Variants in SLC30A8 observed in about 807,000 individuals in gnomAD.
SLC30A8 encodes solute carrier family 30 member 8, also known as proton-coupled zinc antiporter SLC30A8.
SLC30A8 carries 27 observed loss-of-function variants against 36.9 expected under a neutral mutation model. That is an observed-to-expected ratio of 0.73 (90% confidence interval 0.54 to 1.01). SLC30A8 has a LOEUF of 1.01. SLC30A8 is among the 50% of genes least tolerant of loss of function. The pLI, the probability that SLC30A8 is intolerant of heterozygous loss-of-function variation, is 0.00. For missense variants in SLC30A8, 439 were observed against 452.0 expected, an observed-to-expected ratio of 0.97 and a Z score of 0.26; for synonymous variants, 164 against 172.4, an observed-to-expected ratio of 0.95 and a Z score of 0.38.
intron 1 of SLC30A8, among the ~76,000 whole-genome samples, chr8:116,976,836 T>TTCTTTTC (rs1815045813): frequency 1.4e-5 from 2 of 141,580 alleles, no homozygotes; most frequent in Admixed American, 7.2e-5. Context: ...TTTTTTTTTT[T>TTCTTTTC]TTACAGAGTC....
chr8:117,036,271 C>A (rs1161773841), intron 1 of SLC30A8, among the ~76,000 whole-genome samples: 2 of 152,172 alleles, frequency 1.3e-5, no homozygotes, highest in Non-Finnish European at 2.9e-5. Context: ...GCATTTTGGT[C>A]AAAACCATTC....
intron 2 of SLC30A8, among the ~76,000 whole-genome samples, chr8:117,069,960 A>G (rs970301510): frequency 2.0e-5 from 3 of 152,234 alleles, no homozygotes; most frequent in Non-Finnish European, 2.9e-5. Context: ...TTTTCCTCTC[A>G]TAAACACACA....
At chr8:116,990,704 TAATAGC>T (rs1815609033) in intron 1 of SLC30A8, among the ~76,000 whole-genome samples, 1 of 152,204 alleles carries the variant, frequency 6.6e-6, no homozygotes, top group South Asian at 2.1e-4. Context: ...GAAATTGAGT[TAATAGC>T]AATGCACCAG....
intron 1 of SLC30A8, among the ~76,000 whole-genome samples, chr8:117,006,558 G>T (rs1390181686): frequency 1.3e-5 from 2 of 152,196 alleles, no homozygotes; most frequent in East Asian, 3.9e-4. Context: ...CAAGAAGCTG[G>T]GAAAGCGAGT....
At chr8:117,124,121 G>T (rs1026143088) in intron 2 of SLC30A8, among the ~76,000 whole-genome samples, 2 of 151,964 alleles carry the variant, frequency 1.3e-5, no homozygotes, top group Non-Finnish European at 2.9e-5. Context: ...TCCAAAAGTA[G>T]TGCCTTTTCA....
intron 2 of SLC30A8, among the ~76,000 whole-genome samples, chr8:117,095,434 A>T (rs1342683179): frequency 6.6e-6 from 1 of 151,816 alleles, no homozygotes; most frequent in African/African-American, 2.4e-5. Context: ...AACACTAGGA[A>T]CTAAAACTTG....
intron 1 of SLC30A8, among the ~76,000 whole-genome samples, chr8:116,979,540 C>T (rs1815184526): frequency 6.6e-6 from 1 of 152,136 alleles, no homozygotes; most frequent in African/African-American, 2.4e-5. Flanking sequence ...TGGTCTCAGA[C>T]CCATTTCTGA....
chr8:117,023,666 A>C (rs1403807955), intron 1 of SLC30A8, among the ~76,000 whole-genome samples: 1 of 149,038 alleles, frequency 6.7e-6, no homozygotes, highest in Non-Finnish European at 1.5e-5. Context: ...GTGGGAATTG[A>C]ACAATGAGAA....
intron 2 of SLC30A8, among the ~76,000 whole-genome samples, chr8:117,048,172 T>A (rs1817609108): frequency 6.6e-6 from 1 of 152,168 alleles, no homozygotes; most frequent in African/African-American, 2.4e-5. Flanking sequence ...CCAAGAACCC[T>A]CTCTTGGGGT....
At chr8:117,054,270 A>T (rs904533668) in intron 2 of SLC30A8, among the ~76,000 whole-genome samples, 22 of 151,958 alleles carry the variant, frequency 1.4e-4, no homozygotes, top group Admixed American at 2.0e-4. Flanking sequence ...GGCTATTTTT[A>T]AATTTTTTTT....
intron 2 of SLC30A8, among the ~76,000 whole-genome samples, chr8:117,118,564 C>A (rs942506682): frequency 2.6e-5 from 4 of 151,780 alleles, no homozygotes; most frequent in African/African-American, 9.7e-5. Flanking sequence ...ACGGAGCATT[C>A]TTAATGCATT....
At chr8:117,124,487 C>A (rs895551956) in intron 2 of SLC30A8, among the ~76,000 whole-genome samples, 3 of 151,786 alleles carry the variant, frequency 2.0e-5, no homozygotes, top group Admixed American at 6.6e-5. Context: ...GTTGCCACAG[C>A]AGGCAAAATC....
intron 2 of SLC30A8, among the ~76,000 whole-genome samples, chr8:117,120,538 G>T (rs545004607): frequency 6.6e-6 from 1 of 151,908 alleles, no homozygotes; most frequent in East Asian, 1.9e-4. Flanking sequence ...TTACAGTATT[G>T]GTCTTGGCAA....
intron 2 of SLC30A8, among the ~76,000 whole-genome samples, chr8:117,066,451 C>T (rs554779723): frequency 8.0e-4 from 122 of 152,262 alleles, no homozygotes; most frequent in Middle Eastern, 3.4e-3. Flanking sequence ...GTTATAGACA[C>T]CTGTTGTTTA....
chr8:117,110,473 A>T (rs1007731182), intron 2 of SLC30A8, among the ~76,000 whole-genome samples: 1 of 152,180 alleles, frequency 6.6e-6, no homozygotes, highest in Non-Finnish European at 1.5e-5. Context: ...GAAGGGCAAG[A>T]TGTCCTCTCA....
chr8:116,966,317 C>T (rs1321096010), intron 1 of SLC30A8, among the ~76,000 whole-genome samples: 1 of 152,110 alleles, frequency 6.6e-6, no homozygotes, highest in Non-Finnish European at 1.5e-5. Context: ...TTCTGGTTTG[C>T]TCAAGTTCAA....
At position 117,050,135 on chromosome 8, in the gene SLC30A8, A is replaced by G. The variant is rs1817665558; in HGVS notation, c.-226+10877A>G. On this transcript the variant is annotated intron_variant, in intron 2 of 10. Transcript: ENST00000427715. ...ATTACACTCTCTGCCACATCTCTGC[A>G]AAGCAGGGAGACAGGAGGCATGATG... Among the ~76,000 whole-genome samples the G allele has an allele frequency of 3.9e-5, 6 of 152,270 alleles. 1 individual carries two copies. In the South Asian group the frequency reaches 1.2e-3, roughly 32 times the overall value.
intron 1 of SLC30A8, among the ~76,000 whole-genome samples, chr8:117,011,237 C>T (rs144856733): frequency 7.6e-4 from 116 of 152,268 alleles, no homozygotes; most frequent in African/African-American, 2.6e-3. Flanking sequence ...AGATCCTCCC[C>T]TGGACTTTGC....
intron 6 of SLC30A8, among the ~76,000 whole-genome samples, chr8:117,169,497 A>C (rs1823253880): frequency 6.6e-6 from 1 of 152,140 alleles, no homozygotes; most frequent in Admixed American, 6.6e-5. Context: ...GTTCATTATA[A>C]TCCTCTGGGA....
Sources: gnomAD v4.1 joint callset for allele counts (sites outside exome capture counted in the v4.1 genomes callset) on GRCh38, gnomAD v4.1.1 for gene constraint, MANE v1.5 for transcripts, NCBI Gene and HGNC (gene_info 2026-07-23, HGNC 2026-07-21) for gene names.